The following SYK variants were observed in gnomAD, a reference collection of about 807,000 sequenced individuals.
SYK encodes the protein spleen associated tyrosine kinase, also known as tyrosine-protein kinase SYK.
Under a neutral mutation model 77.8 loss-of-function variants are expected in SYK, and 16 were observed. That is an observed-to-expected ratio of 0.21 (90% confidence interval 0.14 to 0.31). SYK has a LOEUF of 0.31. Among genes scored for constraint, SYK ranks in the 10% least tolerant of loss-of-function variants. The pLI is 1.00. For synonymous variants in SYK, 312 were observed against 308.7 expected (o/e 1.01, Z -0.11); for missense variants, 529 against 814.4 (o/e 0.65, Z 4.26).
intron 3 of SYK, among the ~76,000 whole-genome samples, chr9:90,849,752 A>G (rs762403285): frequency 1.3e-5 from 2 of 152,212 alleles, no homozygotes; most frequent in Non-Finnish European, 2.9e-5. Flanking sequence ...CCACCTTATC[A>G]CCAGCTATGG....
intron 11 of SYK, among the ~76,000 whole-genome samples, chr9:90,883,163 T>A (rs1828221790): frequency 5.3e-5 from 8 of 151,916 alleles, no homozygotes; most frequent in Admixed American, 5.2e-4. Flanking sequence ...GAGGGGAGAA[T>A]GGACACCTTC....
rs2118804450 is a variant in SYK, at chr9:90,865,103, T to G, written c.846+6T>G. 6.2e-7 allele frequency: 1 copy of G among 1,613,614 alleles called. No individual in the cohort carries two copies. Among genetic ancestry groups the G allele is most frequent in the Middle Eastern group, 1.7e-4 (1 of 6,060 alleles). On this transcript the variant is annotated splice_donor_region_variant and intron_variant, in intron 6 of 13. Coordinates refer to ENST00000375754, the MANE Select transcript of SYK (RefSeq NM_003177.7). The stretch of plus-strand genomic sequence containing the variant: ...TTCCAGGTTCCCATCCTGCGGTAAG[T>G]GTCACTAGGAATACCACTGAATGAG...
chr9:90,823,508 A>C (rs1285817213), intron 1 of SYK, among the ~76,000 whole-genome samples: 2 of 152,236 alleles, frequency 1.3e-5, no homozygotes, highest in African/African-American at 2.4e-5. Context: ...AAACATGTTA[A>C]CACATTTGAA....
At chr9:90,851,811 G>A (rs1826834442) in intron 3 of SYK, among the ~76,000 whole-genome samples, 1 of 152,146 alleles carries the variant, frequency 6.6e-6, no homozygotes, top group Non-Finnish European at 1.5e-5. Flanking sequence ...CCAAAAGGGA[G>A]GATCCAGGAT....
intron 7 of SYK, among the ~76,000 whole-genome samples, chr9:90,871,808 A>T (rs1344855569): frequency 6.6e-6 from 1 of 152,216 alleles, no homozygotes; most frequent in Admixed American, 6.5e-5. Flanking sequence ...GTTGAGAGAC[A>T]TGAGGGTTCT....
chr9:90,897,029 C>A lies in SYK; in HGVS notation c.*1429C>A, dbSNP rs1829017371. 3 of 210,482 alleles carry A rather than the reference C, an allele frequency of 1.4e-5. No homozygotes were observed. In the East Asian group the frequency reaches 2.1e-4, roughly 15 times the overall value. 13.0% of individuals were successfully genotyped at this position (210,482 alleles called of 1,614,324 possible). ...GCATCACAGCGAGACTCTGTCAAAA[C>A]AAACAAACAAAAAAACAACTTAAAG... On this transcript the variant is annotated 3_prime_UTR_variant, in exon 14 of 14. Coordinates refer to ENST00000375754, the MANE Select transcript of SYK (RefSeq NM_003177.7).
At chr9:90,810,551 C>T (rs1173271924) in intron 1 of SYK, among the ~76,000 whole-genome samples, 1 of 152,134 alleles carries the variant, frequency 6.6e-6, no homozygotes, top group Non-Finnish European at 1.5e-5. Context: ...GGCACCTCCC[C>T]ACGATGGCCT....
chr9:90,834,073 C>T (rs1825986124), intron 1 of SYK, among the ~76,000 whole-genome samples: 1 of 152,144 alleles, frequency 6.6e-6, no homozygotes, highest in Non-Finnish European at 1.5e-5. Flanking sequence ...GCCTGACTGG[C>T]ACTAGGGAGG....
chr9:90,840,328 C>T (rs1234924206), intron 1 of SYK, among the ~76,000 whole-genome samples: 1 of 151,948 alleles, frequency 6.6e-6, no homozygotes, highest in African/African-American at 2.4e-5. Context: ...AAGTATGAGA[C>T]GTGCTGGGCT....
intron 1 of SYK, among the ~76,000 whole-genome samples, chr9:90,821,620 G>C (rs1045261460): frequency 7.2e-5 from 11 of 152,184 alleles, no homozygotes; most frequent in African/African-American, 2.7e-4. Flanking sequence ...GTTGAGATTT[G>C]GGTGAGGACA....
rs562659531 is a variant in SYK, at chr9:90,865,448, C to T, written c.846+351C>T. Among the ~76,000 whole-genome samples the T allele has an allele frequency of 5.7e-4, 87 of 152,140 alleles. 1 individual carries two copies. Among genetic ancestry groups the T allele is most frequent in the African/African-American group, 2.0e-3 (85 of 41,498 alleles). ...TCAGCCTCCCGAGTAGCTGGGATTA[C>T]AGGTGCCTGCCATCACACCCGGCTA... On this transcript the variant is annotated intron_variant, in intron 6 of 13. Coordinates refer to ENST00000375754, the MANE Select transcript of SYK (RefSeq NM_003177.7).
chr9:90,807,536 G>A (rs4002564), intron 1 of SYK, among the ~76,000 whole-genome samples: 1 of 151,786 alleles, frequency 6.6e-6, no homozygotes, highest in East Asian at 1.9e-4. Context: ...TCGGTACCTG[G>A]TATGTGGTTA....
At chr9:90,867,564 A>G (rs1433225679) in intron 7 of SYK, among the ~76,000 whole-genome samples, 1 of 152,214 alleles carries the variant, frequency 6.6e-6, no homozygotes, top group East Asian at 1.9e-4. Context: ...CACGTGTTGC[A>G]GTGTTCTGGT....
intron 1 of SYK, among the ~76,000 whole-genome samples, chr9:90,819,036 A>G (rs898943644): frequency 1.3e-5 from 2 of 152,240 alleles, no homozygotes; most frequent in African/African-American, 4.8e-5. Context: ...CCAAATGAAT[A>G]CAGGGAGATA....
intron 3 of SYK, among the ~76,000 whole-genome samples, chr9:90,859,311 G>C (rs1360792194): frequency 4.6e-5 from 7 of 152,030 alleles, no homozygotes; most frequent in African/African-American, 1.7e-4. Context: ...TCATTTGTTT[G>C]TTTTTTTAGT....
Position 90,825,828 on chromosome 9 carries a change from T to A in SYK, c.-41-18030T>A, listed in dbSNP as rs1436296019. On this transcript the variant is annotated intron_variant, in intron 1 of 13. Transcript: ENST00000375754. ...GGCTGAGACGTGAGATGGGAGGGAT[T>A]GGCAAGGGGTTGACTTTCAGCAGTG... Among the ~76,000 whole-genome samples the A allele has an allele frequency of 2.6e-5, 4 of 152,138 alleles. No individual in the cohort carries two copies. The East Asian group carries it at 7.7e-4, about 29-fold the overall frequency.
rs187691051 is a variant in SYK, at chr9:90,832,744, T to A, written c.-41-11114T>A. On this transcript the variant is annotated intron_variant, in intron 1 of 13. Coordinates refer to ENST00000375754, the MANE Select transcript of SYK (RefSeq NM_003177.7). ...TGTTGCTTCTCTCGCCCAACTCCAT[T>A]GCACATGCTATATCAGTTATCTGTT... is the stretch of plus-strand genomic sequence containing the variant. 3.9e-4 allele frequency among the ~76,000 whole-genome samples: 59 copies of A among 152,366 alleles called. 1 individual carries two copies. The highest frequency in any genetic ancestry group is 3.4e-3 in the Middle Eastern group (1 of 294).
chr9:90,876,729 C>A (rs891633747), intron 9 of SYK, among the ~76,000 whole-genome samples: 1 of 152,214 alleles, frequency 6.6e-6, no homozygotes, highest in Non-Finnish European at 1.5e-5. Flanking sequence ...AATACTGAGT[C>A]TTTCAATCTA....
At chr9:90,854,711 G>A (rs1826954519) in intron 3 of SYK, among the ~76,000 whole-genome samples, 1 of 152,136 alleles carries the variant, frequency 6.6e-6, no homozygotes, top group African/African-American at 2.4e-5. Flanking sequence ...GGCCTTGGTA[G>A]TCACCCCTTC....
Sources: gnomAD v4.1 joint callset for allele counts (sites outside exome capture counted in the v4.1 genomes callset) on GRCh38, gnomAD v4.1.1 for gene constraint, MANE v1.5 for transcripts, NCBI Gene and HGNC (gene_info 2026-07-23, HGNC 2026-07-21) for gene names.